Variants in EEA1 observed in about 807,000 individuals in gnomAD.
EEA1 encodes early endosome antigen 1, 162kD.
Under a neutral mutation model 209.2 loss-of-function variants are expected in EEA1, and 111 were observed. That is an observed-to-expected ratio of 0.53 (90% confidence interval 0.45 to 0.62). EEA1 has a LOEUF of 0.62. Ranked by LOEUF, EEA1 falls within the 20% of genes least tolerant of loss-of-function variation. The probability of loss-of-function intolerance (pLI) is 0.00; values close to 1 mark genes in which losing one functional copy is unlikely to be tolerated. For missense variants in EEA1, 1,343 were observed against 1,530.8 expected (o/e 0.88, Z 2.05); for synonymous variants, 536 against 540.6 (o/e 0.99, Z 0.12).
intron 15 of EEA1, among the ~76,000 whole-genome samples, chr12:92,815,668 C>T (rs910851547): frequency 6.6e-5 from 10 of 151,824 alleles, no homozygotes; most frequent in Admixed American, 5.9e-4. Flanking sequence ...TTGAGGAAGA[C>T]TGCTATATAG....
At position 92,852,983 on chromosome 12, in the gene EEA1, T is replaced by C. The variant is rs1227952906; in HGVS notation, c.449A>G (p.Glu150Gly). ...TTTCATTTGCTTAATATTAAAATTT[T>C]CTGTTTGGGCTTCTTCTAATTGCTG... ...LEQQLEEAQT[E>G]NFNIKQMKDL... The change falls in exon 7 of 29, where the codon GAA (glutamate) becomes GGA (glycine). Residue 150 changes from glutamate (E) to glycine (G), a missense_variant. Glu to Gly is a moderately conservative substitution (Grantham distance 98). Coordinates refer to ENST00000322349, the MANE Select transcript of EEA1 (RefSeq NM_003566.4). The C allele has an allele frequency of 6.2e-7, 1 of 1,612,060 alleles. No homozygotes were observed. Among genetic ancestry groups the C allele is most frequent in the Non-Finnish European group, 8.5e-7 (1 of 1,179,180 alleles).
intron 3 of EEA1, among the ~76,000 whole-genome samples, chr12:92,864,589 T>A (rs572742681): frequency 4.6e-5 from 7 of 152,196 alleles, no homozygotes; most frequent in Non-Finnish European, 8.8e-5. Context: ...ACACACAATA[T>A]GCTAAATATA....
At chr12:92,875,218 G>C (rs968364444) in intron 2 of EEA1, among the ~76,000 whole-genome samples, 1 of 152,142 alleles carries the variant, frequency 6.6e-6, no homozygotes, top group Non-Finnish European at 1.5e-5. Context: ...TTGAGAGGCT[G>C]AGGCAGGCGG....
intron 3 of EEA1, among the ~76,000 whole-genome samples, chr12:92,863,472 C>G (rs1376137242): frequency 6.6e-6 from 1 of 152,174 alleles, no homozygotes; most frequent in Non-Finnish European, 1.5e-5. Flanking sequence ...GAATTGAAGC[C>G]TTTGGCATAA....
intron 1 of EEA1, among the ~76,000 whole-genome samples, chr12:92,903,988 G>GT (rs1213223090): frequency 1.3e-5 from 2 of 150,944 alleles, no homozygotes; most frequent in African/African-American, 4.9e-5. Flanking sequence ...TTGAGACGGA[G>GT]TTTCTCTCTT....
In EEA1 at chr12:92,864,963, T is replaced by C; in HGVS notation, c.142A>G (p.Lys48Glu). ...AGTTCATCAGCAGATCCAAGAGATT[T>C]CATACACTGGGGACATATGAAACCC... ...SEGFICPQCM[K>E]SLGSADELFK... The change falls in exon 3 of 29, where the codon AAA becomes GAA. Residue 48 changes from lysine to glutamate, a missense_variant. Lys to Glu is a moderately conservative substitution (Grantham distance 56). Coordinates refer to ENST00000322349, the MANE Select transcript of EEA1 (RefSeq NM_003566.4). The C allele has an allele frequency of 1.2e-6, 2 of 1,610,032 alleles. No individual in the cohort carries two copies. The highest frequency in any genetic ancestry group is 1.7e-6 in the Non-Finnish European group (2 of 1,178,252).
At position 92,859,059 on chromosome 12, in the gene EEA1, T is replaced by G. The variant is rs1256574925; in HGVS notation, c.246-1574A>C. On this transcript the variant is annotated intron_variant, in intron 3 of 28. Transcript: ENST00000322349. ...TTCAGGTCTCTTATTCTATTGGAGTTTCTCATCCATTATCTATCTCTGTTT... is the reference window on the plus strand; with the variant it reads ...TTCAGGTCTCTTATTCTATTGGAGTGTCTCATCCATTATCTATCTCTGTTT... The G allele has an allele frequency of 1.4e-5, 10 of 726,182 alleles. No individual in the cohort carries two copies. The African/African-American group carries it at 1.6e-4, about 12-fold the overall frequency. 45.0% of individuals were successfully genotyped at this position (726,182 alleles called of 1,614,324 possible).
intron 20 of EEA1, 124 bp downstream of exon 20, chr12:92,801,476 A>G (rs1874904397): frequency 1.7e-6 from 1 of 591,476 alleles, no homozygotes; most frequent in African/African-American, 2.0e-5. Context: ...ATTTTTCTTA[A>G]AACTATAAAA....
intron 21 of EEA1, among the ~76,000 whole-genome samples, chr12:92,792,879 T>A (rs1874475996): frequency 2.0e-5 from 3 of 152,138 alleles, no homozygotes; most frequent in African/African-American, 7.2e-5. Context: ...GCGAAAATCC[T>A]CAAATAAAAT....
At chr12:92,922,022 CCT>C (rs774539095) in intron 1 of EEA1, among the ~76,000 whole-genome samples, 1 of 151,992 alleles carries the variant, frequency 6.6e-6, no homozygotes, top group East Asian at 1.9e-4. Context: ...TTCATTTCCC[CCT>C]GTGACTCTCT....
At chr12:92,908,031 T>G (rs1880442894) in intron 1 of EEA1, among the ~76,000 whole-genome samples, 1 of 152,156 alleles carries the variant, frequency 6.6e-6, no homozygotes, top group Admixed American at 6.5e-5. Context: ...CACACCAATG[T>G]TCATAGCAGC....
chr12:92,882,754 T>A (rs1879204542), intron 2 of EEA1, among the ~76,000 whole-genome samples: 1 of 152,232 alleles, frequency 6.6e-6, no homozygotes. Context: ...TATGATTTTG[T>A]TATTTTTATG....
intron 1 of EEA1, among the ~76,000 whole-genome samples, chr12:92,892,868 G>A (rs1700182300): frequency 6.6e-6 from 1 of 152,168 alleles, no homozygotes; most frequent in Non-Finnish European, 1.5e-5. Context: ...GACCTCAAGT[G>A]ATCCCCCCAC....
Position 92,787,907 on chromosome 12 carries a change from C to T in EEA1, c.3110G>A (p.Gly1037Glu), listed in dbSNP as rs1874203306. 1 of 1,611,720 alleles carries T rather than the reference C, an allele frequency of 6.2e-7. No individual in the cohort carries two copies. The highest frequency in any genetic ancestry group is 1.3e-5 in the African/African-American group (1 of 74,756). The stretch of plus-strand genomic sequence containing the variant: ...GGTGGCTAGAAGTTCAGATTCCCTC[C>T]CATAGAAATCAGATTGAAGCTGTTT... ...TFKQLQSDFY[G>E]RESELLATRQ... Residue 1037 changes from glycine to glutamate, a missense_variant, in exon 22 of 29, where the codon GGG (glycine) becomes GAG (glutamate). Around this residue, in one of 3 missense-constraint regions of EEA1, gnomAD observed 1,307 missense variants for 1,465.5 expected, o/e 0.89. Transcript: ENST00000322349.
chr12:92,801,636 CT>C lies in EEA1; in HGVS notation c.2735del (p.Gln912ArgfsTer4). On this transcript the variant is annotated frameshift_variant, in exon 20 of 29. Coordinates refer to ENST00000322349, the MANE Select transcript of EEA1 (RefSeq NM_003566.4). LOFTEE classifies it high-confidence loss of function. ...TTTCAAGTGACTTTTTCAGTTCCTT[CT>C]GTTCCTTAAGTGTGTTTTCCATCTG... is the stretch of plus-strand genomic sequence containing the variant. ...QVQMENTLKE[Q>X]KELKKSLEKE... 6.3e-7 allele frequency: 1 copy of C among 1,595,984 alleles called. No individual in the cohort carries two copies. Among genetic ancestry groups the C allele is most frequent in the Non-Finnish European group, 8.5e-7 (1 of 1,173,942 alleles).
At chr12:92,898,884 G>GT (rs1265846936) in intron 1 of EEA1, among the ~76,000 whole-genome samples, 9 of 146,448 alleles carry the variant, frequency 6.1e-5, no homozygotes, top group Non-Finnish European at 1.3e-4. Flanking sequence ...TCCAGCCTAT[G>GT]TTTCAATAAA....
intron 1 of EEA1, among the ~76,000 whole-genome samples, chr12:92,911,223 G>A (rs1038586411): frequency 6.6e-6 from 1 of 152,200 alleles, no homozygotes; most frequent in African/African-American, 2.4e-5. Flanking sequence ...GCTAAAGCTT[G>A]TAATTGACCA....
At chr12:92,826,049 G>T in intron 13 of EEA1, 117 bp downstream of exon 13, 1 of 1,139,976 alleles carries the variant, frequency 8.8e-7, no homozygotes, top group Non-Finnish European at 1.2e-6. Flanking sequence ...GTACTTTCTA[G>T]TTTTACCACA....
At chr12:92,786,998 T>C (rs954193954) in intron 22 of EEA1, among the ~76,000 whole-genome samples, 2 of 152,176 alleles carry the variant, frequency 1.3e-5, no homozygotes, top group African/African-American at 4.8e-5. Flanking sequence ...AAATGACCTT[T>C]CTCCGGAGTC....
Sources: gnomAD v4.1 joint callset for allele counts (sites outside exome capture counted in the v4.1 genomes callset) on GRCh38, gnomAD v4.1.1 for gene constraint, gnomAD v4.1.1 regional missense constraint, MANE v1.5 for transcripts, NCBI Gene and HGNC (gene_info 2026-07-23, HGNC 2026-07-21) for gene names.